ABLIM2: variants seen among roughly 807,000 people sequenced by gnomAD.
ABLIM2 encodes the protein actin-binding LIM protein 2.
ABLIM2 carries 53 observed loss-of-function variants against 97.7 expected under a neutral mutation model. The observed-to-expected ratio is 0.54, with a 90% CI of 0.44 to 0.68. The LOEUF (loss-of-function observed/expected upper bound fraction) is 0.68, where lower values mean the gene tolerates loss of function less well. ABLIM2 is among the 30% of genes least tolerant of loss of function. The pLI is 0.00. For synonymous variants in ABLIM2, 361 were observed against 345.8 expected, an observed-to-expected ratio of 1.04 and a Z score of -0.49; for missense variants, 835 against 867.2, an observed-to-expected ratio of 0.96 and a Z score of 0.47.
At chr4:8,141,057 C>T (rs1006117927) in intron 1 of ABLIM2, among the ~76,000 whole-genome samples, 7 of 152,086 alleles carry the variant, frequency 4.6e-5, no homozygotes, top group African/African-American at 1.4e-4. Flanking sequence ...CTTAGCCTCA[C>T]CTGTATAGAT....
rs1841244526 is a variant in ABLIM2 at position 8,113,257 on chromosome 4, G to A, written c.11-6620C>T. ...CCACAAGTGTGTGCCACCACACCCA[G>A]CTAATTTTTGTATTTTTTGTAGACA... On this transcript the variant is annotated intron_variant, in intron 1 of 20. Coordinates refer to ENST00000447017, the MANE Select transcript of ABLIM2 (RefSeq NM_001130083.2). This position sits in a 1 kb window ranked among gnomAD's most constrained non-coding sequence, Gnocchi z 4.5. Among the ~76,000 whole-genome samples the A allele has an allele frequency of 6.6e-6, 1 of 152,096 alleles. No individual in the cohort carries two copies. The highest frequency in any genetic ancestry group is 6.6e-5 in the Admixed American group (1 of 15,264).
rs1173847121 is a variant in ABLIM2 at position 8,128,229 on chromosome 4, G to GTCAC, written c.11-21596_11-21593dup. On this transcript the variant is annotated intron_variant, in intron 1 of 20. Transcript: ENST00000447017. The surrounding 1 kb of genome is among the most constrained non-coding windows in gnomAD (Gnocchi z 4.9). Reference sequence around the variant, plus strand: ...TTTTTAGTCTCTTATGAGGACACCAGTCACTGCATTTGGGGTCCGCCCTCA... The same window carrying GTCAC: ...TTTTTAGTCTCTTATGAGGACACCAGTCACTCACTGCATTTGGGGTCCGCCCTCA... 1.3e-5 allele frequency among the ~76,000 whole-genome samples: 2 copies of GTCAC among 152,310 alleles called. No individual in the cohort carries two copies. The highest frequency in any genetic ancestry group is 3.9e-4 in the East Asian group (2 of 5,180).
intron 1 of ABLIM2, among the ~76,000 whole-genome samples, chr4:8,131,688 CGCA>C (rs1849407799): frequency 8.9e-6 from 1 of 111,988 alleles, no homozygotes. Context: ...CACAGCAGCC[CGCA>C]TCCCCAGCAC....
intron 16 of ABLIM2, chr4:7,993,991 G>A: frequency 2.0e-6 from 1 of 494,256 alleles, no homozygotes; most frequent in Non-Finnish European, 4.0e-6. Context: ...CGCCTGCCTG[G>A]CTCAGAGGTG....
chr4:8,114,653 G>C (rs567198674), intron 1 of ABLIM2, among the ~76,000 whole-genome samples: 1 of 152,142 alleles, frequency 6.6e-6, no homozygotes, highest in East Asian at 1.9e-4. Flanking sequence ...TTCTCACCAC[G>C]GCCATCACTG....
chr4:7,995,271 G>T (rs1034225374), intron 16 of ABLIM2, among the ~76,000 whole-genome samples: 1 of 152,236 alleles, frequency 6.6e-6, no homozygotes, highest in African/African-American at 2.4e-5. Context: ...CTCATCTGGG[G>T]GTGTCACCCC....
rs567043491 is a variant in ABLIM2 at position 8,058,906 on chromosome 4, A to G, written c.763+2061T>C. 6.6e-5 allele frequency among the ~76,000 whole-genome samples: 10 copies of G among 152,220 alleles called. No individual in the cohort carries two copies. Among genetic ancestry groups the G allele is most frequent in the African/African-American group, 2.4e-4 (10 of 41,546 alleles). On this transcript the variant is annotated intron_variant, in intron 7 of 20. Transcript: ENST00000447017. This position sits in a 1 kb window ranked among gnomAD's most constrained non-coding sequence, Gnocchi z 4.2. ...CTCAGTCCTTAGCCTGTCTTCGGCA[A>G]CCATCTTGTGGGGTCAGTTCAGCAA...
rs1274583818 is a variant in ABLIM2, at chr4:8,036,193, G to A, written c.1003C>T (p.Pro335Ser). 3.1e-6 allele frequency: 5 copies of A among 1,613,840 alleles called. No homozygotes were observed. Among genetic ancestry groups the A allele is most frequent in the East Asian group, 2.2e-5 (1 of 44,888 alleles). Residue 335 changes from proline to serine, a missense_variant, in exon 10 of 21, where the codon CCC becomes TCC. By Grantham distance (74) the Pro-to-Ser change is moderately conservative (BLOSUM62 -1). Coordinates refer to ENST00000447017, the MANE Select transcript of ABLIM2 (RefSeq NM_001130083.2). ...IDRPDMISYS[P>S]YISHSAGDRQ... is the part of the protein sequence containing the mutation. ...TCCCCTGCAGAGTGGCTGATGTAGGGTGAGTAGGAGATCATGTCGGGGCGG... is the reference window on the plus strand; with the variant it reads ...TCCCCTGCAGAGTGGCTGATGTAGGATGAGTAGGAGATCATGTCGGGGCGG...
At chr4:8,038,847 C>T (rs1033772679) in intron 9 of ABLIM2, among the ~76,000 whole-genome samples, 17 of 152,232 alleles carry the variant, frequency 1.1e-4, no homozygotes, top group African/African-American at 3.9e-4. Flanking sequence ...GGAACTCTGG[C>T]GCTTGTTTAC....
chr4:8,028,906 T>C (rs1331334188), intron 11 of ABLIM2, among the ~76,000 whole-genome samples: 2 of 152,230 alleles, frequency 1.3e-5, no homozygotes, highest in Non-Finnish European at 2.9e-5. Flanking sequence ...ATAAGAGCCA[T>C]AGTCCATGGA....
Position 8,113,654 on chromosome 4 carries a change from C to T in ABLIM2, c.11-7017G>A, listed in dbSNP as rs112638882. Among the ~76,000 whole-genome samples the T allele has an allele frequency of 9.2e-3, 1,394 of 152,318 alleles. 21 individuals carry two copies. The highest frequency in any genetic ancestry group is 0.032 in the African/African-American group (1,316 of 41,578). ...GTCCACCCATGGCAGGGGTTCTCAT[C>T]GGAGGCCCGCTCCATCCGCCAAGAT... On this transcript the variant is annotated intron_variant, in intron 1 of 20. Transcript: ENST00000447017. This position sits in a 1 kb window ranked among gnomAD's most constrained non-coding sequence, Gnocchi z 4.5.
chr4:8,103,069 C>G (rs900616723), intron 2 of ABLIM2, among the ~76,000 whole-genome samples: 2 of 152,246 alleles, frequency 1.3e-5, no homozygotes, highest in Non-Finnish European at 2.9e-5. Context: ...TGAGGAGAGG[C>G]ACTGCTGACA....
intron 14 of ABLIM2, among the ~76,000 whole-genome samples, chr4:8,012,453 G>A (rs1428903426): frequency 1.9e-5 from 2 of 105,308 alleles, no homozygotes; most frequent in South Asian, 3.2e-4. Flanking sequence ...CCACCCATTC[G>A]TTCATTTACC....
intron 7 of ABLIM2, among the ~76,000 whole-genome samples, chr4:8,055,106 T>A (rs759291225): frequency 2.0e-5 from 3 of 152,058 alleles, no homozygotes; most frequent in Non-Finnish European, 4.4e-5. Flanking sequence ...GTCAGGTCAC[T>A]GGGTGAATTT....
At chr4:8,010,789 C>G (rs1764428036) in intron 14 of ABLIM2, 1 of 166,850 alleles carries the variant, frequency 6.0e-6, no homozygotes, top group African/African-American at 2.4e-5. Flanking sequence ...ATGCCCGCAG[C>G]TGGACTCTCC....
In ABLIM2 at chr4:8,032,739, G is replaced by A. The variant is rs1781763660; in HGVS notation, c.1048-2963C>T. On this transcript the variant is annotated intron_variant, in intron 10 of 20. Coordinates refer to ENST00000447017, the MANE Select transcript of ABLIM2 (RefSeq NM_001130083.2). This position sits in a 1 kb window ranked among gnomAD's most constrained non-coding sequence, Gnocchi z 4.3. ...CTGGCGCCAGGCAGAGAGGGAGGAG[G>A]GCAGTTCCGTGACTGGCAGGCAACA... The A allele has an allele frequency of 6.3e-7, 1 of 1,595,642 alleles. No homozygotes were observed. Among genetic ancestry groups the A allele is most frequent in the Non-Finnish European group, 8.6e-7 (1 of 1,166,250 alleles).
At chr4:8,059,529 C>G (rs2076768) in intron 7 of ABLIM2, among the ~76,000 whole-genome samples, 22,023 of 151,916 alleles carry the variant, frequency 0.14, 1,977 homozygotes, top group East Asian at 0.31. Context: ...CCGGCCCCCC[C>G]ACTTGACATA....
intron 7 of ABLIM2, among the ~76,000 whole-genome samples, chr4:8,057,028 C>G (rs1223953464): frequency 6.7e-6 from 1 of 148,430 alleles, no homozygotes; most frequent in Non-Finnish European, 1.5e-5. Context: ...ACAATGTGGA[C>G]AGATAAGAAT....
At chr4:8,097,604 C>T (rs987268592) in intron 2 of ABLIM2, among the ~76,000 whole-genome samples, 4 of 152,182 alleles carry the variant, frequency 2.6e-5, no homozygotes, top group Non-Finnish European at 4.4e-5. Context: ...TCTGTGACCC[C>T]GCCAGGGATG....
Sources: gnomAD v4.1 joint callset for allele counts (sites outside exome capture counted in the v4.1 genomes callset) on GRCh38, gnomAD v4.1.1 for gene constraint, Gnocchi (gnomAD v3.1) non-coding constraint, MANE v1.5 for transcripts, NCBI Gene and HGNC (gene_info 2026-07-23, HGNC 2026-07-21) for gene names.